ADGRV1: variants seen among roughly 807,000 people sequenced by gnomAD.
The protein encoded by ADGRV1 is adhesion G protein-coupled receptor V1, also known as G-protein coupled receptor 98.
ADGRV1 carries 359 observed loss-of-function variants against 596.2 expected under a neutral mutation model. The observed-to-expected ratio is 0.60, with a 90% CI of 0.55 to 0.66. The LOEUF is 0.66. Among genes scored for constraint, ADGRV1 ranks in the 30% least tolerant of loss-of-function variants. The pLI is 0.00. For synonymous variants in ADGRV1, 2,681 were observed against 2,679.2 expected (o/e 1.00, Z -0.02); for missense variants, 7,274 against 7,575.6 (o/e 0.96, Z 1.48).
intron 1 of ADGRV1, among the ~76,000 whole-genome samples, chr5:90,573,507 A>G (rs1756809930): frequency 6.6e-6 from 1 of 152,114 alleles, no homozygotes; most frequent in African/African-American, 2.4e-5. Context: ...GTAGGTAATT[A>G]TAACACCAAG....
chr5:90,975,824 C>CAA (rs1183894398), intron 84 of ADGRV1, among the ~76,000 whole-genome samples: 2 of 151,004 alleles, frequency 1.3e-5, no homozygotes, highest in Admixed American at 1.3e-4. Context: ...GCACATTGTG[C>CAA]ACATGTACCC....
intron 1 of ADGRV1, among the ~76,000 whole-genome samples, chr5:90,589,068 T>A (rs1198034933): frequency 6.6e-6 from 1 of 152,200 alleles, no homozygotes; most frequent in African/African-American, 2.4e-5. Flanking sequence ...TCTATTTTTT[T>A]AAAGGCAATT....
At chr5:90,756,413 T>TA (rs753977677) in intron 55 of ADGRV1, 41 bp from the exon 56 acceptor site, 825 of 1,332,810 alleles carry the variant, frequency 6.2e-4, no homozygotes, top group South Asian at 8.8e-4. Flanking sequence ...TTAAATGTCT[T>TA]AAAAAAAAAT....
chr5:90,948,333 G>T (rs1776772171), intron 83 of ADGRV1, among the ~76,000 whole-genome samples: 1 of 152,010 alleles, frequency 6.6e-6, no homozygotes. Context: ...GTAGGATGAG[G>T]ACTAAAAGGT....
At chr5:90,800,221 C>T (rs1156633237) in intron 70 of ADGRV1, among the ~76,000 whole-genome samples, 1 of 152,014 alleles carries the variant, frequency 6.6e-6, no homozygotes, top group Non-Finnish European at 1.5e-5. Flanking sequence ...AGAACTTAAA[C>T]AAATTTACAA....
At chr5:91,077,698 T>TG (rs1195209692) in intron 86 of ADGRV1, among the ~76,000 whole-genome samples, 9 of 152,336 alleles carry the variant, frequency 5.9e-5, no homozygotes, top group Admixed American at 5.9e-4. Flanking sequence ...GAGAATCACT[T>TG]GCCTCCTCTT....
chr5:90,732,993 G>C (rs575967531), intron 50 of ADGRV1, among the ~76,000 whole-genome samples: 3 of 152,310 alleles, frequency 2.0e-5, no homozygotes, highest in Middle Eastern at 3.4e-3. Context: ...ATGATCAAAG[G>C]CATGTTTTAC....
At chr5:90,730,662 A>G (rs1752436572) in intron 50 of ADGRV1, among the ~76,000 whole-genome samples, 1 of 152,190 alleles carries the variant, frequency 6.6e-6, no homozygotes, top group Non-Finnish European at 1.5e-5. Context: ...TTGTAGGATT[A>G]TTTTAGGGTT....
Position 90,679,585 on chromosome 5 carries a change from G to A in ADGRV1, c.5480G>A (p.Gly1827Asp), listed in dbSNP as rs764833487. The A allele has an allele frequency of 2.5e-6, 4 of 1,613,622 alleles. No individual in the cohort carries two copies. The highest frequency in any genetic ancestry group is 3.3e-5 in the Admixed American group (2 of 59,974). The change falls in exon 26 of 90, where the codon GGT (glycine) becomes GAT (aspartate). Residue 1827 changes from glycine to aspartate, a missense_variant. Gly to Asp is a moderately conservative substitution (Grantham distance 94, BLOSUM62 -1). Transcript: ENST00000405460. ...TTTAGGGTTGATGGAAGTGGTAGTG[G>A]TGATGGGGACATGGAATTCTTCCTT... ...ELFRVDGSGSGDGDMEFFLPT... is the reference protein window; with the variant it reads ...ELFRVDGSGSDDGDMEFFLPT...
At chr5:91,129,119 GAGTT>G (rs1308671892) in intron 87 of ADGRV1, among the ~76,000 whole-genome samples, 1 of 152,224 alleles carries the variant, frequency 6.6e-6, no homozygotes, top group South Asian at 2.1e-4. Context: ...TTAGAACAGA[GAGTT>G]AGAACTATCT....
At chr5:90,644,649 A>C (rs1767466639) in intron 14 of ADGRV1, 57 bp from the exon 15 acceptor site, 1 of 1,375,378 alleles carries the variant, frequency 7.3e-7, no homozygotes, top group East Asian at 2.4e-5. Flanking sequence ...TTCTTTACTC[A>C]TCATTTTAAA....
chr5:90,728,706 A>G lies in ADGRV1; in HGVS notation c.10199A>G (p.Gln3400Arg). 1 of 1,611,946 alleles carries G rather than the reference A, an allele frequency of 6.2e-7. No homozygotes were observed. The highest frequency in any genetic ancestry group is 8.5e-7 in the Non-Finnish European group (1 of 1,178,350). The change falls in exon 49 of 90, where the codon CAA (glutamine) becomes CGA (arginine). Residue 3400 changes from glutamine to arginine, a missense_variant. This residue lies in a region of ADGRV1 where 3,643 missense variants were observed against 3,809.2 expected (regional missense o/e 0.96). Transcript: ENST00000405460. ...RWNGGSFVLH[Q>R]KLPVRGVLTV... ...AATGGAGGAAGCTTCGTGTTGCATC[A>G]AAAACTCCCTGTCCGAGGTGTGCTG...
At chr5:90,598,309 C>T (rs1212612535) in intron 1 of ADGRV1, among the ~76,000 whole-genome samples, 2 of 152,226 alleles carry the variant, frequency 1.3e-5, no homozygotes, top group Non-Finnish European at 1.5e-5. Flanking sequence ...ATAGTGCCCA[C>T]ATGCCACACA....
intron 1 of ADGRV1, among the ~76,000 whole-genome samples, chr5:90,597,180 A>G (rs1302880744): frequency 6.6e-6 from 1 of 152,224 alleles, no homozygotes; most frequent in East Asian, 1.9e-4. Flanking sequence ...AACAAGAATT[A>G]TTGCCACTAT....
At chr5:90,674,321 T>A in intron 23 of ADGRV1, 87 bp downstream of exon 23, 1 of 1,028,736 alleles carries the variant, frequency 9.7e-7, no homozygotes, top group Non-Finnish European at 1.3e-6. Context: ...TTTTTGCAAA[T>A]GACGGAAGTA....
At position 90,753,906 on chromosome 5, in the gene ADGRV1, T is replaced by C. The variant is rs1043156041; in HGVS notation, c.11377+77T>C. 5.2e-5 allele frequency: 70 copies of C among 1,353,984 alleles called. No individual in the cohort carries two copies. The African/African-American group carries it at 8.2e-4, about 16-fold the overall frequency. The allele number at this position is 1,353,984 out of a possible 1,614,324, so 83.9% of individuals were successfully genotyped here. A position where few individuals can be genotyped will look rare whatever the true frequency, so the allele number is the denominator to read the frequency against. ...ATTTAATTCTAATATTTATAAGGAA[T>C]GTAAATTTCTCTTTTTATATGACTT... On this transcript the variant is annotated intron_variant, in intron 54 of 89. Coordinates refer to ENST00000405460, the MANE Select transcript of ADGRV1 (RefSeq NM_032119.4).
chr5:90,900,302 A>G (rs1174699555), intron 83 of ADGRV1, among the ~76,000 whole-genome samples: 1 of 151,714 alleles, frequency 6.6e-6, no homozygotes, highest in East Asian at 1.9e-4. Context: ...TGTATGCCCA[A>G]ACTTCTGCTT....
chr5:90,687,090 C>T (rs1261661077), intron 29 of ADGRV1, among the ~76,000 whole-genome samples: 1 of 152,024 alleles, frequency 6.6e-6, no homozygotes, highest in South Asian at 2.1e-4. Flanking sequence ...TGTTTGAGTT[C>T]ATTGTAGATT....
At chr5:90,648,659 C>T (rs976261367) in intron 17 of ADGRV1, among the ~76,000 whole-genome samples, 4 of 152,182 alleles carry the variant, frequency 2.6e-5, no homozygotes, top group Non-Finnish European at 4.4e-5. Context: ...TTCTCCCTAT[C>T]TCTTTGACTT....
Sources: gnomAD v4.1 joint callset for allele counts (sites outside exome capture counted in the v4.1 genomes callset) on GRCh38, gnomAD v4.1.1 for gene constraint, gnomAD v4.1.1 regional missense constraint, MANE v1.5 for transcripts, NCBI Gene and HGNC (gene_info 2026-07-23, HGNC 2026-07-21) for gene names.